The following LOC101059915 variants were observed in gnomAD, a reference collection of about 807,000 sequenced individuals.
At chrX:71,670,945 T>C in the LOC101059915 span, 1 of 754,565 alleles carries the variant, frequency 1.3e-6, no homozygotes, top group Non-Finnish European at 1.6e-6. Context: ...TGCTGCCTGG[T>C]ACTGCTTGTA....
At chrX:71,670,447 T>C in the LOC101059915 span, 1 of 1,114,813 alleles carries the variant, frequency 9.0e-7, no homozygotes, top group Non-Finnish European at 1.2e-6. Context: ...CCATACCCCA[T>C]GCAGAGTGAG....
the LOC101059915 span, chrX:71,667,796 C>T: frequency 9.5e-7 from 1 of 1,056,410 alleles, no homozygotes. Context: ...TCTAGACTGG[C>T]GGGCGCCATG....
At chrX:71,668,958 T>A in the LOC101059915 span, 34 of 1,160,217 alleles carry the variant, frequency 2.9e-5, no homozygotes, top group Middle Eastern at 6.2e-4. Flanking sequence ...GGAAGAAACC[T>A]GCAGGAAGGA....
At chrX:71,668,989 G>A in the LOC101059915 span, 1 of 1,164,853 alleles carries the variant, frequency 8.6e-7, no homozygotes, top group Non-Finnish European at 1.1e-6. Flanking sequence ...GTCCCAGGCT[G>A]CGGCCAGAGA....
chrX:71,671,146 G>A, the LOC101059915 span: 1 of 1,162,676 alleles, frequency 8.6e-7, no homozygotes, highest in Non-Finnish European at 1.1e-6. Flanking sequence ...CCCCACGGGG[G>A]CAGGGCGTGG....
chrX:71,669,486 T>G, the LOC101059915 span: 1 of 889,145 alleles, frequency 1.1e-6, no homozygotes, highest in Non-Finnish European at 1.4e-6. Flanking sequence ...GTCTCCACCT[T>G]AACACAACCC....
the LOC101059915 span, chrX:71,667,622 C>G: frequency 1.4e-5 from 5 of 354,752 alleles, no homozygotes; most frequent in Non-Finnish European, 2.2e-5. Context: ...TGGCGGTGTC[C>G]CAAAGGCCTT....
chrX:71,670,205 C>A, the LOC101059915 span: 7 of 1,161,536 alleles, frequency 6.0e-6, no homozygotes, highest in Non-Finnish European at 8.1e-6. Flanking sequence ...CCCTGCTACG[C>A]CCTTTCCACC....
chrX:71,670,520 G>T, the LOC101059915 span: 1 of 1,070,768 alleles, frequency 9.3e-7, no homozygotes, highest in Non-Finnish European at 1.2e-6. Flanking sequence ...AGGCTATGGG[G>T]GCTATAAGGG....
the LOC101059915 span, chrX:71,668,322 G>A: frequency 2.6e-6 from 3 of 1,135,755 alleles, no homozygotes; most frequent in South Asian, 2.1e-5. Context: ...GGCCAGGACC[G>A]GCCTGGGAGA....
the LOC101059915 span, chrX:71,668,091 G>C: frequency 8.7e-7 from 1 of 1,147,718 alleles, no homozygotes; most frequent in Non-Finnish European, 1.2e-6. Flanking sequence ...ACGACCAAGC[G>C]GGTGGTGGGG....
chrX:71,667,933 G>A, the LOC101059915 span: 2 of 1,141,146 alleles, frequency 1.8e-6, no homozygotes, highest in Non-Finnish European at 2.3e-6. Flanking sequence ...CCTCAATTTT[G>A]GGGGGCAGCG....
the LOC101059915 span, chrX:71,670,486 C>T: frequency 9.3e-7 from 1 of 1,074,113 alleles, no homozygotes. Context: ...GGTTTTGTGC[C>T]AATCCACCTC....
the LOC101059915 span, chrX:71,667,723 TGGCTG>T: frequency 5.3e-6 from 5 of 942,046 alleles, no homozygotes; most frequent in East Asian, 2.1e-4. Context: ...CGGCTGGGCT[TGGCTG>T]GGCTCGGCTC....
At chrX:71,670,929 T>A in the LOC101059915 span, 1 of 753,427 alleles carries the variant, frequency 1.3e-6, no homozygotes, top group Non-Finnish European at 1.6e-6. Flanking sequence ...TGTGTTTTCC[T>A]TTAACTGCTG....
the LOC101059915 span, chrX:71,668,076 G>A: frequency 2.6e-6 from 3 of 1,152,766 alleles, no homozygotes; most frequent in Middle Eastern, 3.1e-4. Flanking sequence ...CTGGCACCCC[G>A]GTCGACGACC....
At chrX:71,670,698 G>C in the LOC101059915 span, 5 of 1,110,693 alleles carry the variant, frequency 4.5e-6, no homozygotes, top group Non-Finnish European at 5.9e-6. Flanking sequence ...GGACAGCGGT[G>C]TCGTTCTGCA....
At chrX:71,668,525 G>A in the LOC101059915 span, 1 of 1,145,350 alleles carries the variant, frequency 8.7e-7, no homozygotes. Flanking sequence ...AAGAAGCCAG[G>A]AGACACTTGC....
chrX:71,669,189 C>A, the LOC101059915 span: 3 of 736,058 alleles, frequency 4.1e-6, no homozygotes, highest in Non-Finnish European at 5.7e-6. Context: ...TCATCGGGAG[C>A]CCAGGGACAC....
Sources: gnomAD v4.1 joint callset for allele counts on GRCh38, gnomAD v4.1.1 for gene constraint, MANE v1.5 for transcripts.